The following PPP1R12A variants were observed in gnomAD, a reference collection of about 807,000 sequenced individuals.
PPP1R12A encodes the protein protein phosphatase 1 regulatory subunit 12A.
In PPP1R12A, 19 loss-of-function variants were observed where a neutral mutation model predicts 139.6. The observed-to-expected ratio is 0.14, with a 90% CI of 0.09 to 0.20. The LOEUF (loss-of-function observed/expected upper bound fraction) is 0.20, where lower values mean the gene tolerates loss of function less well. PPP1R12A is among the 10% of genes least tolerant of loss of function. The probability of loss-of-function intolerance (pLI) is 1.00; values close to 1 mark genes in which losing one functional copy is unlikely to be tolerated. For missense variants in PPP1R12A, 925 were observed against 1,211.5 expected (o/e 0.76, Z 3.51); for synonymous variants, 427 against 420.6 (o/e 1.02, Z -0.19).
At chr12:79,874,174 T>C (rs1249743544) in intron 1 of PPP1R12A, among the ~76,000 whole-genome samples, 3 of 151,366 alleles carry the variant, frequency 2.0e-5, no homozygotes, top group African/African-American at 7.3e-5. Flanking sequence ...CTCGGGAGGC[T>C]GAGGCAGGAG....
At chr12:79,924,495 C>A (rs1236080469) in intron 1 of PPP1R12A, among the ~76,000 whole-genome samples, 1 of 152,172 alleles carries the variant, frequency 6.6e-6, no homozygotes, top group African/African-American at 2.4e-5. Flanking sequence ...GTGGCGTGAT[C>A]ACAGCTCACT....
At chr12:79,828,783 T>C (rs1484222988) in intron 4 of PPP1R12A, among the ~76,000 whole-genome samples, 1 of 152,142 alleles carries the variant, frequency 6.6e-6, no homozygotes, top group Admixed American at 6.6e-5. Context: ...GAAAAGCCCA[T>C]AATTTTTCAA....
At chr12:79,867,251 T>A (rs1407055095) in intron 2 of PPP1R12A, among the ~76,000 whole-genome samples, 2 of 151,862 alleles carry the variant, frequency 1.3e-5, no homozygotes, top group African/African-American at 2.4e-5. Flanking sequence ...TTCTCACTCA[T>A]AAGTGGGAAT....
At chr12:79,835,887 G>T (rs1878015104) in intron 3 of PPP1R12A, among the ~76,000 whole-genome samples, 1 of 152,112 alleles carries the variant, frequency 6.6e-6, no homozygotes, top group Admixed American at 6.5e-5. Context: ...TACCTGAATT[G>T]TATTTTTATT....
At chr12:79,847,083 C>G (rs902241589) in intron 2 of PPP1R12A, among the ~76,000 whole-genome samples, 5 of 152,164 alleles carry the variant, frequency 3.3e-5, no homozygotes, top group African/African-American at 4.8e-5. Context: ...CTTTATTCCT[C>G]TCCTACTATT....
chr12:79,895,714 T>G (rs1177551953), intron 1 of PPP1R12A, among the ~76,000 whole-genome samples: 1 of 152,194 alleles, frequency 6.6e-6, no homozygotes, highest in Admixed American at 6.5e-5. Context: ...AACCACAGTT[T>G]GACATCAATG....
chr12:79,848,632 C>T (rs908380552), intron 2 of PPP1R12A, among the ~76,000 whole-genome samples: 24 of 152,092 alleles, frequency 1.6e-4, no homozygotes, highest in Non-Finnish European at 3.4e-4. Flanking sequence ...CAAAAGATTA[C>T]GTACGTGTGT....
intron 6 of PPP1R12A, 114 bp downstream of exon 6, chr12:79,822,002 A>T: frequency 1.5e-6 from 1 of 683,074 alleles, no homozygotes; most frequent in Non-Finnish European, 2.4e-6. Flanking sequence ...AGTGAAACTT[A>T]AGGATAACTT....
chr12:79,832,213 G>A, intron 4 of PPP1R12A, 119 bp downstream of exon 4: 1 of 868,340 alleles, frequency 1.2e-6, no homozygotes, highest in Non-Finnish European at 1.6e-6. Context: ...CCTGAAAACA[G>A]GCATTAAAGA....
At chr12:79,879,699 A>G (rs1281612781) in intron 1 of PPP1R12A, among the ~76,000 whole-genome samples, 1 of 152,180 alleles carries the variant, frequency 6.6e-6, no homozygotes, top group African/African-American at 2.4e-5. Context: ...CCAGGGTTAA[A>G]TCTGTGGGAG....
chr12:79,845,450 A>G (rs1227891365), intron 2 of PPP1R12A, 30 bp from the exon 3 acceptor site: 12 of 1,468,222 alleles, frequency 8.2e-6, no homozygotes, highest in Admixed American at 1.8e-5. Context: ...ATAGTTAAGC[A>G]AAAGATATTA....
intron 8 of PPP1R12A, among the ~76,000 whole-genome samples, chr12:79,820,422 T>C (rs1408290831): frequency 6.6e-6 from 1 of 152,142 alleles, no homozygotes; most frequent in Non-Finnish European, 1.5e-5. Context: ...TGGGATGCTG[T>C]TGGGACCGGC....
At chr12:79,854,023 G>A (rs950907045) in intron 2 of PPP1R12A, among the ~76,000 whole-genome samples, 28 of 152,106 alleles carry the variant, frequency 1.8e-4, no homozygotes, top group African/African-American at 6.3e-4. Flanking sequence ...TGTTGGAATC[G>A]TATCTGTTGA....
Position 79,775,736 on chromosome 12 carries a change from A to G in PPP1R12A, c.*193T>C. 1 of 403,448 alleles carries G rather than the reference A, an allele frequency of 2.5e-6. No homozygotes were observed. The allele number at this position is 403,448 out of a possible 1,614,324, so 25.0% of individuals were successfully genotyped here. On this transcript the variant is annotated 3_prime_UTR_variant, in exon 25 of 25. Transcript: ENST00000450142. ...CTTGATTAAAAAAAAAAAACAAAAA[A>G]CAAACCAACAACAACAAAAACACCC...
chr12:79,849,550 G>C (rs2656029), intron 2 of PPP1R12A, among the ~76,000 whole-genome samples: 29,263 of 152,132 alleles, frequency 0.19, 4,862 homozygotes, highest in African/African-American at 0.44. Context: ...GAAGCTACTT[G>C]TGTGGCTATT....
intron 2 of PPP1R12A, among the ~76,000 whole-genome samples, chr12:79,855,628 A>G (rs1880557110): frequency 6.6e-6 from 1 of 152,100 alleles, no homozygotes; most frequent in Non-Finnish European, 1.5e-5. Flanking sequence ...TTTTAGAAAG[A>G]TAATATTATG....
chr12:79,903,444 C>G (rs899210994), intron 1 of PPP1R12A, among the ~76,000 whole-genome samples: 6 of 138,656 alleles, frequency 4.3e-5, no homozygotes, highest in East Asian at 2.8e-4. Context: ...GAGCAGGACT[C>G]CATCTCAAAA....
chr12:79,852,864 A>C (rs1300052919), intron 2 of PPP1R12A, among the ~76,000 whole-genome samples: 2 of 152,172 alleles, frequency 1.3e-5, no homozygotes, highest in Non-Finnish European at 2.9e-5. Flanking sequence ...AAGTGGTGAA[A>C]GCATTCATTC....
At chr12:79,832,568 T>G in intron 3 of PPP1R12A, 77 bp from the exon 4 acceptor site, 1 of 1,360,182 alleles carries the variant, frequency 7.4e-7, no homozygotes. Flanking sequence ...ATCCAAAACA[T>G]GTCAAGTTTA....
Sources: gnomAD v4.1 joint callset for allele counts (sites outside exome capture counted in the v4.1 genomes callset) on GRCh38, gnomAD v4.1.1 for gene constraint, MANE v1.5 for transcripts, NCBI Gene and HGNC (gene_info 2026-07-23, HGNC 2026-07-21) for gene names.